Variants in SEMA5A observed in about 807,000 individuals in gnomAD.
SEMA5A encodes the protein semaphorin 5A.
A neutral mutation model predicts 135.5 loss-of-function variants in SEMA5A; 55 were observed. The ratio of observed to expected loss-of-function variants is 0.41; its 90% CI spans 0.33 to 0.51. SEMA5A has a LOEUF of 0.51. SEMA5A is among the 20% of genes least tolerant of loss of function. SEMA5A has a pLI of 0.37. For missense variants in SEMA5A, 1,290 were observed against 1,419.9 expected, an observed-to-expected ratio of 0.91 and a Z score of 1.47; for synonymous variants, 580 against 546.5, an observed-to-expected ratio of 1.06 and a Z score of -0.85.
At chr5:9,495,241 A>G (rs1187935877) in intron 1 of SEMA5A, among the ~76,000 whole-genome samples, 2 of 152,184 alleles carry the variant, frequency 1.3e-5, no homozygotes, top group South Asian at 2.1e-4. Context: ...TAAACCACCA[A>G]TACTAGGAGT....
intron 3 of SEMA5A, among the ~76,000 whole-genome samples, chr5:9,364,692 A>G (rs567582260): frequency 1.3e-5 from 2 of 152,324 alleles, no homozygotes; most frequent in African/African-American, 4.8e-5. Context: ...AACGTGAGTT[A>G]TTTGAAAACA....
At chr5:9,078,122 T>A (rs1344387565) in intron 16 of SEMA5A, among the ~76,000 whole-genome samples, 1 of 152,156 alleles carries the variant, frequency 6.6e-6, no homozygotes, top group Non-Finnish European at 1.5e-5. Context: ...AAATTCTCAC[T>A]CTCTGAGAGC....
chr5:9,320,853 G>A (rs961969831), intron 4 of SEMA5A, among the ~76,000 whole-genome samples: 2 of 152,184 alleles, frequency 1.3e-5, no homozygotes, highest in African/African-American at 4.8e-5. Flanking sequence ...TTCACCCAGT[G>A]TGACCTTGAA....
intron 13 of SEMA5A, among the ~76,000 whole-genome samples, chr5:9,130,156 C>G (rs183674952): frequency 1.2e-4 from 19 of 152,278 alleles, no homozygotes; most frequent in African/African-American, 4.6e-4. Flanking sequence ...ATGTCCATTT[C>G]ATTAATTTCA....
At chr5:9,358,446 T>C (rs1157431784) in intron 3 of SEMA5A, among the ~76,000 whole-genome samples, 1 of 152,106 alleles carries the variant, frequency 6.6e-6, no homozygotes, top group Non-Finnish European at 1.5e-5. Flanking sequence ...TCTCTGTGCA[T>C]CTCCTTCAAC....
chr5:9,426,816 G>A (rs1384528708), intron 2 of SEMA5A, among the ~76,000 whole-genome samples: 1 of 152,158 alleles, frequency 6.6e-6, no homozygotes, highest in Non-Finnish European at 1.5e-5. Flanking sequence ...AAGAAAATGA[G>A]AGTCAAAGTT....
chr5:9,106,405 G>A (rs1003416806), intron 16 of SEMA5A, among the ~76,000 whole-genome samples: 5 of 152,058 alleles, frequency 3.3e-5, no homozygotes, highest in African/African-American at 1.2e-4. Context: ...CTACATTATT[G>A]CTTAATATAA....
chr5:9,169,082 G>A (rs1219812710), intron 11 of SEMA5A, among the ~76,000 whole-genome samples: 1 of 152,136 alleles, frequency 6.6e-6, no homozygotes, highest in Non-Finnish European at 1.5e-5. Context: ...ACAGCACGGA[G>A]ACTATAGCTA....
chr5:9,466,007 A>T (rs1202264186), intron 1 of SEMA5A, among the ~76,000 whole-genome samples: 2 of 152,212 alleles, frequency 1.3e-5, no homozygotes, highest in East Asian at 1.9e-4. Context: ...GAGAGAAATT[A>T]CAAGTTAAAC....
intron 5 of SEMA5A, among the ~76,000 whole-genome samples, chr5:9,306,716 T>G (rs866629731): frequency 9.2e-5 from 14 of 152,174 alleles, no homozygotes; most frequent in African/African-American, 3.1e-4. Context: ...TAGCCAGGGA[T>G]AGGGTGCCCT....
intron 2 of SEMA5A, among the ~76,000 whole-genome samples, chr5:9,393,080 G>T (rs979998384): frequency 1.3e-5 from 2 of 152,204 alleles, no homozygotes; most frequent in Non-Finnish European, 2.9e-5. Context: ...TCATCCTTCA[G>T]TTCATTAGCC....
At chr5:9,147,298 T>C (rs1742391118) in intron 12 of SEMA5A, among the ~76,000 whole-genome samples, 2 of 152,184 alleles carry the variant, frequency 1.3e-5, no homozygotes. Context: ...CTTTTTCTTT[T>C]TCTTTTTTTC....
chr5:9,183,833 T>A (rs768425123), intron 11 of SEMA5A, among the ~76,000 whole-genome samples: 1 of 152,260 alleles, frequency 6.6e-6, no homozygotes, highest in Non-Finnish European at 1.5e-5. Context: ...TGTCTGTTTT[T>A]GAAGTAGGAA....
At position 9,066,196 on chromosome 5, in the gene SEMA5A, G is replaced by T. The variant is rs1167232607; in HGVS notation, c.2299+225C>A. On this transcript the variant is annotated intron_variant, in intron 17 of 22. Transcript: ENST00000382496. ...TATAATAAATATAGTGTTATCTGGG[G>T]GCCTGATTTCATAGTATCACTTCAA... is the stretch of plus-strand genomic sequence containing the variant. Among the ~76,000 whole-genome samples, 5 of 152,062 alleles carry T rather than the reference G, an allele frequency of 3.3e-5. No homozygotes were observed. The East Asian group carries it at 9.6e-4, about 29-fold the overall frequency.
intron 4 of SEMA5A, among the ~76,000 whole-genome samples, chr5:9,321,802 T>C (rs1049535913): frequency 1.3e-5 from 2 of 152,226 alleles, no homozygotes; most frequent in African/African-American, 4.8e-5. Context: ...ATGAATTACC[T>C]AAGAGCTTTG....
At chr5:9,496,252 C>A (rs1184135165) in intron 1 of SEMA5A, among the ~76,000 whole-genome samples, 1 of 152,130 alleles carries the variant, frequency 6.6e-6, no homozygotes, top group Non-Finnish European at 1.5e-5. Flanking sequence ...ACCATGTTGG[C>A]CAGACTGGTC....
intron 1 of SEMA5A, among the ~76,000 whole-genome samples, chr5:9,541,680 A>C (rs968716786): frequency 6.6e-6 from 1 of 150,914 alleles, no homozygotes; most frequent in African/African-American, 2.4e-5. Flanking sequence ...TCAAACAACC[A>C]TTAATCTTGG....
chr5:9,319,549 C>T (rs1752535245), intron 4 of SEMA5A, among the ~76,000 whole-genome samples: 1 of 152,052 alleles, frequency 6.6e-6, no homozygotes, highest in African/African-American at 2.4e-5. Flanking sequence ...GCTTCAGCCT[C>T]TAACTGAAAT....
intron 1 of SEMA5A, among the ~76,000 whole-genome samples, chr5:9,462,806 C>G (rs1260189818): frequency 2.6e-5 from 4 of 151,768 alleles, no homozygotes; most frequent in Non-Finnish European, 5.9e-5. Context: ...AGAAGAATAA[C>G]AGATACTGGG....
Sources: gnomAD v4.1 joint callset for allele counts (sites outside exome capture counted in the v4.1 genomes callset) on GRCh38, gnomAD v4.1.1 for gene constraint, MANE v1.5 for transcripts, NCBI Gene and HGNC (gene_info 2026-07-23, HGNC 2026-07-21) for gene names.